Variants in DENND4B observed in about 807,000 individuals in gnomAD.
DENND4B encodes DENN domain-containing protein 4B.
A neutral mutation model predicts 161.0 loss-of-function variants in DENND4B; 67 were observed. That is an observed-to-expected ratio of 0.42 (90% CI 0.34 to 0.51). DENND4B has a LOEUF of 0.51. DENND4B is among the 20% of genes least tolerant of loss of function. The pLI, the probability that DENND4B is intolerant of heterozygous loss-of-function variation, is 0.08. For synonymous variants in DENND4B, 753 were observed against 813.8 expected (o/e 0.93, Z 1.27); for missense variants, 1,481 against 1,968.0 (o/e 0.75, Z 4.68).
Position 153,941,882 on chromosome 1 carries a change from G to A in DENND4B, c.1042C>T (p.Leu348=), listed in dbSNP as rs755108879. The change falls in exon 6 of 28, where the codon CTA becomes TTA. Residue 348 remains leucine (L), a synonymous_variant. Coordinates refer to ENST00000361217, the MANE Select transcript of DENND4B (RefSeq NM_014856.3). Reference sequence around the variant, plus strand: ...AGCCATGCTCACGCTTCCAAGGGTAGGCGGTGGGGGCCTGAGACGGAGTAG... The same window carrying A: ...AGCCATGCTCACGCTTCCAAGGGTAAGCGGTGGGGGCCTGAGACGGAGTAG... The part of the protein sequence containing the change: ...YRYSVSGPHR[L]PLEAHISHFI... The A allele has an allele frequency of 8.7e-6, 14 of 1,611,864 alleles. No homozygotes were observed. The South Asian group carries it at 1.3e-4, about 15-fold the overall frequency.
intron 6 of DENND4B, 134 bp from the exon 7 acceptor site, chr1:153,941,574 C>T: frequency 8.6e-7 from 1 of 1,167,860 alleles, no homozygotes; most frequent in Non-Finnish European, 1.2e-6. Flanking sequence ...CTGTTATCAG[C>T]CAACAGAACC....
At chr1:153,939,454 G>T in intron 12 of DENND4B, 135 bp downstream of exon 12, 1 of 958,362 alleles carries the variant, frequency 1.0e-6, no homozygotes, top group Non-Finnish European at 1.5e-6. Flanking sequence ...CAAAGCGGGT[G>T]CCCATAAAAA....
chr1:153,940,836 G>A lies in DENND4B; in HGVS notation c.1326+68C>T. On this transcript the variant is annotated intron_variant, in intron 9 of 27. Transcript: ENST00000361217. This position sits in a 1 kb window ranked among gnomAD's most constrained non-coding sequence, Gnocchi z 5.6. ...CAAGGAAGGAAAAGGGAAGAGTCCA[G>A]GCAGGGATAGGGGCACCAGAAAGAA... 6.6e-7 allele frequency: 1 copy of A among 1,517,580 alleles called. No homozygotes were observed. The highest frequency in any genetic ancestry group is 8.8e-7 in the Non-Finnish European group (1 of 1,136,874). The allele number at this position is 1,517,580 out of a possible 1,614,324, so 94.0% of individuals were successfully genotyped here.
In DENND4B at chr1:153,942,301, T is replaced by C. The variant is rs1338093689; in HGVS notation, c.696A>G (p.Ser232=). 4 of 1,613,682 alleles carry C rather than the reference T, an allele frequency of 2.5e-6. No individual in the cohort carries two copies. Among genetic ancestry groups the C allele is most frequent in the East Asian group, 2.2e-5 (1 of 44,868 alleles). Residue 232 remains serine, a synonymous_variant, in exon 5 of 28, where the codon TCA becomes TCG. Coordinates refer to ENST00000361217, the MANE Select transcript of DENND4B (RefSeq NM_014856.3). This position sits in a 1 kb window ranked among gnomAD's most constrained non-coding sequence, Gnocchi z 6.9. ...EDNEAFPLPE[S]VPVFCLPMGA... ...CCATGGGCAGGCAGAAGACGGGCACTGACTCGGGCAGCGGGAACGCCTCAT... is the reference window on the plus strand; with the variant it reads ...CCATGGGCAGGCAGAAGACGGGCACCGACTCGGGCAGCGGGAACGCCTCAT...
Position 153,934,648 on chromosome 1 carries a change from C to A in DENND4B, c.2773+112G>T. The A allele has an allele frequency of 6.8e-7, 1 of 1,476,892 alleles. No individual in the cohort carries two copies. The highest frequency in any genetic ancestry group is 1.3e-5 in the South Asian group (1 of 76,498). The allele number at this position is 1,476,892 out of a possible 1,614,324, so 91.5% of individuals were successfully genotyped here. A position where few individuals can be genotyped will look rare whatever the true frequency, so the allele number is the denominator to read the frequency against. ...TTGTTACCAGTCAAGTGTAATTTAT[C>A]AATCCCCAGAAACCCAATGCCAACC... On this transcript the variant is annotated intron_variant, in intron 18 of 27. Transcript: ENST00000361217. The surrounding 1 kb of genome is among the most constrained non-coding windows in gnomAD (Gnocchi z 5.3).
Position 153,933,226 on chromosome 1 carries a change from G to A in DENND4B, c.3424C>T (p.Pro1142Ser), listed in dbSNP as rs1679076899. The A allele has an allele frequency of 1.2e-6, 2 of 1,613,018 alleles. No homozygotes were observed. Among genetic ancestry groups the A allele is most frequent in the Admixed American group, 1.7e-5 (1 of 59,850 alleles). Reference protein sequence around the residue: ...RRSSERLSDTPGSFQSPSLEI... With the variant: ...RRSSERLSDTSGSFQSPSLEI... ...AGGGAAGGTGACTGGAAGGATCCAGGGGTGTCACTGAGGCGCTCTGAGGAA... is the reference window on the plus strand; with the variant it reads ...AGGGAAGGTGACTGGAAGGATCCAGAGGTGTCACTGAGGCGCTCTGAGGAA... Residue 1142 changes from proline (P) to serine (S), a missense_variant, in exon 21 of 28, where the codon CCT (proline) becomes TCT (serine). Coordinates refer to ENST00000361217, the MANE Select transcript of DENND4B (RefSeq NM_014856.3). The surrounding 1 kb of genome is among the most constrained non-coding windows in gnomAD (Gnocchi z 5.7).
chr1:153,935,177 G>T, intron 17 of DENND4B: 1 of 860,968 alleles, frequency 1.2e-6, no homozygotes, highest in Non-Finnish European at 1.7e-6. Flanking sequence ...CAGAGGCAGT[G>T]GAGAAAATTT....
Position 153,932,534 on chromosome 1 carries a change from GCC to G in DENND4B, c.3760-96_3760-95del. ...CACCACATCCAACAGCTTTTGGGAT[GCC>G]CCTTGCCCTCAAGGGCAAGAGATGT... On this transcript the variant is annotated intron_variant, in intron 23 of 27. Coordinates refer to ENST00000361217, the MANE Select transcript of DENND4B (RefSeq NM_014856.3). The surrounding 1 kb of genome is among the most constrained non-coding windows in gnomAD (Gnocchi z 5.8). 1 of 1,555,762 alleles carries G rather than the reference GCC, an allele frequency of 6.4e-7. No individual in the cohort carries two copies. Among genetic ancestry groups the G allele is most frequent in the South Asian group, 1.2e-5 (1 of 82,884 alleles).
At position 153,930,532 on chromosome 1, in the gene DENND4B, A is replaced by G. The variant is rs577830224; in HGVS notation, c.4345+7T>C. 10 of 1,614,006 alleles carry G rather than the reference A, an allele frequency of 6.2e-6. No individual in the cohort carries two copies. The highest frequency in any genetic ancestry group is 5.0e-5 in the Admixed American group (3 of 60,006). ...TAAACTCCTCAGCCCCTTGCCTGCA[A>G]TCTCACCTATGTCCACGTGGTCCTT... is the stretch of plus-strand genomic sequence containing the variant. On this transcript the variant is annotated splice_region_variant and intron_variant, in intron 27 of 27. Transcript: ENST00000361217. The surrounding 1 kb of genome is among the most constrained non-coding windows in gnomAD (Gnocchi z 4.7).
At position 153,940,161 on chromosome 1, in the gene DENND4B, T is replaced by G. The variant is rs763593359; in HGVS notation, c.1598A>C (p.Asp533Ala). ...TCCCCACCCAGGCTTCTCACTCTGG[T>G]CCAGCTGCTGGTACAGGTTTGTCAG... ...ATLTNLYQQL[D>A]QTYTGPEEEA... The change falls in exon 11 of 28, where the codon GAC becomes GCC. Residue 533 changes from aspartate (D) to alanine (A), a missense_variant. By Grantham distance (126) the Asp-to-Ala change is moderately radical (BLOSUM62 -2). Around this residue, in one of 3 missense-constraint regions of DENND4B, gnomAD observed 806 missense variants for 1,134.4 expected, o/e 0.71. Coordinates refer to ENST00000361217, the MANE Select transcript of DENND4B (RefSeq NM_014856.3). This position sits in a 1 kb window ranked among gnomAD's most constrained non-coding sequence, Gnocchi z 5.6. 2.5e-6 allele frequency: 4 copies of G among 1,573,012 alleles called. No individual in the cohort carries two copies. The South Asian group carries it at 3.5e-5, about 14-fold the overall frequency.
chr1:153,942,739 C>G lies in DENND4B; in HGVS notation c.571-114G>C. On this transcript the variant is annotated intron_variant, in intron 3 of 27. Coordinates refer to ENST00000361217, the MANE Select transcript of DENND4B (RefSeq NM_014856.3). This position sits in a 1 kb window ranked among gnomAD's most constrained non-coding sequence, Gnocchi z 6.9. ...TTTGTCTTTAAAGCTCCCATTAATCCCAGTGCCCCAAGACCAGAGTTACCC... is the reference window on the plus strand; with the variant it reads ...TTTGTCTTTAAAGCTCCCATTAATCGCAGTGCCCCAAGACCAGAGTTACCC... 1 of 1,474,346 alleles carries G rather than the reference C, an allele frequency of 6.8e-7. No homozygotes were observed. The highest frequency in any genetic ancestry group is 9.0e-7 in the Non-Finnish European group (1 of 1,108,930). The allele number at this position is 1,474,346 out of a possible 1,614,324, so 91.3% of individuals were successfully genotyped here.
chr1:153,933,633 G>A lies in DENND4B; in HGVS notation c.3180C>T (p.Arg1060=), dbSNP rs769577365. 1.3e-5 allele frequency: 21 copies of A among 1,566,272 alleles called. No homozygotes were observed. The Admixed American group carries it at 3.6e-4, about 27-fold the overall frequency. The change falls in exon 20 of 28, where the codon CGC becomes CGT. Residue 1060 remains arginine (R), a synonymous_variant. Coordinates refer to ENST00000361217, the MANE Select transcript of DENND4B (RefSeq NM_014856.3). This position sits in a 1 kb window ranked among gnomAD's most constrained non-coding sequence, Gnocchi z 5.7. ...AGTPRRGLGA[R]LQQLLTPSRH... is the part of the protein sequence containing the mutation. ...GGGAAGGAGTGAGCAGCTGTTGGAGGCGGGCACCCAGCCCTCGTCGGGGGG... is the reference window on the plus strand; with the variant it reads ...GGGAAGGAGTGAGCAGCTGTTGGAGACGGGCACCCAGCCCTCGTCGGGGGG...
At position 153,934,001 on chromosome 1, in the gene DENND4B, C is replaced by G. The variant is rs896404827; in HGVS notation, c.2942-130G>C. The G allele has an allele frequency of 6.8e-7, 1 of 1,479,992 alleles. No individual in the cohort carries two copies. Among genetic ancestry groups the G allele is most frequent in the Non-Finnish European group, 9.0e-7 (1 of 1,110,504 alleles). The allele number at this position is 1,479,992 out of a possible 1,614,324, so 91.7% of individuals were successfully genotyped here. On this transcript the variant is annotated intron_variant, in intron 19 of 27. Transcript: ENST00000361217. This position sits in a 1 kb window ranked among gnomAD's most constrained non-coding sequence, Gnocchi z 5.3. ...ACCCCCACCATGATGATATTCTGGG[C>G]GAGATTCCCTCAGAATCTACAGCAC...
chr1:153,942,004 A>G lies in DENND4B; in HGVS notation c.920T>C (p.Leu307Pro). ...LLSAVERGRA[L>P]GGRAVRSRRA... ...CCGGCTGCGCACAGCTCTGCCCCCCAGTGCCCGACCCCGCTCCACGGCGCT... is the reference window on the plus strand; with the variant it reads ...CCGGCTGCGCACAGCTCTGCCCCCCGGTGCCCGACCCCGCTCCACGGCGCT... The change falls in exon 6 of 28, where the codon CTG becomes CCG. Residue 307 changes from leucine to proline, a missense_variant. Physicochemically the swap from Leu to Pro is moderately conservative, Grantham distance 98. Around this residue, in one of 3 missense-constraint regions of DENND4B, gnomAD observed 806 missense variants for 1,134.4 expected, o/e 0.71. Coordinates refer to ENST00000361217, the MANE Select transcript of DENND4B (RefSeq NM_014856.3). The surrounding 1 kb of genome is among the most constrained non-coding windows in gnomAD (Gnocchi z 6.9). 6.2e-7 allele frequency: 1 copy of G among 1,612,074 alleles called. No homozygotes were observed. Among genetic ancestry groups the G allele is most frequent in the South Asian group, 1.1e-5 (1 of 90,942 alleles).
chr1:153,932,488 G>A lies in DENND4B; in HGVS notation c.3760-48C>T. On this transcript the variant is annotated intron_variant, in intron 23 of 27. Transcript: ENST00000361217. The surrounding 1 kb of genome is among the most constrained non-coding windows in gnomAD (Gnocchi z 5.8). ...GCAGTAGAGGGCATGTACATCCCCA[G>A]AGCCTTGCCTCCCACTGAGCCACCA... The A allele has an allele frequency of 6.4e-7, 1 of 1,562,270 alleles. No homozygotes were observed. Among genetic ancestry groups the A allele is most frequent in the African/African-American group, 1.4e-5 (1 of 73,752 alleles).
At chr1:153,945,517 A>G (rs1221351002) in intron 1 of DENND4B, among the ~76,000 whole-genome samples, 1 of 151,982 alleles carries the variant, frequency 6.6e-6, no homozygotes, top group African/African-American at 2.4e-5. Flanking sequence ...GGAATCTCAT[A>G]GAGCCAGGCT....
rs368238711 is a variant in DENND4B, at chr1:153,936,510, T to A, written c.2439+32A>T. 3.3e-5 allele frequency: 51 copies of A among 1,529,730 alleles called. No individual in the cohort carries two copies. The highest frequency in any genetic ancestry group is 4.2e-5 in the Non-Finnish European group (47 of 1,131,936). 94.8% of individuals were successfully genotyped at this position (1,529,730 alleles called of 1,614,324 possible). A position where few individuals can be genotyped will look rare whatever the true frequency, so the allele number is the denominator to read the frequency against. On this transcript the variant is annotated intron_variant, in intron 16 of 27. Coordinates refer to ENST00000361217, the MANE Select transcript of DENND4B (RefSeq NM_014856.3). The surrounding 1 kb of genome is among the most constrained non-coding windows in gnomAD (Gnocchi z 4.1). ...CCAGCTGCACAAGGCTCACTGGGCC[T>A]GGGTATGAGCATGGTCACATAGATT...
At position 153,934,276 on chromosome 1, in the gene DENND4B, T is replaced by C. The variant is rs770401526; in HGVS notation, c.2800A>G (p.Thr934Ala). ...AEPYLERPSP[T>A]RPLQRQTTWA... ...GTAGTCTGGCGCTGAAGAGGGCGAG[T>C]AGGGGAAGGGCGCTCCAAATAGGGC... The change falls in exon 19 of 28, where the codon ACT becomes GCT. Residue 934 changes from threonine to alanine, a missense_variant. Coordinates refer to ENST00000361217, the MANE Select transcript of DENND4B (RefSeq NM_014856.3). This position sits in a 1 kb window ranked among gnomAD's most constrained non-coding sequence, Gnocchi z 5.3. 22 of 1,593,562 alleles carry C rather than the reference T, an allele frequency of 1.4e-5. No individual in the cohort carries two copies. Among genetic ancestry groups the C allele is most frequent in the Non-Finnish European group, 2.6e-6 (3 of 1,171,736 alleles).
intron 17 of DENND4B, 164 bp downstream of exon 17, chr1:153,935,896 T>C (rs1176581329): frequency 1.2e-6 from 1 of 813,788 alleles, no homozygotes; most frequent in Admixed American, 2.9e-5. Flanking sequence ...TCTGAGAAAC[T>C]GTAGGTGCTA....
Sources: gnomAD v4.1 joint callset for allele counts (sites outside exome capture counted in the v4.1 genomes callset) on GRCh38, gnomAD v4.1.1 for gene constraint, gnomAD v4.1.1 regional missense constraint, Gnocchi (gnomAD v3.1) non-coding constraint, MANE v1.5 for transcripts, NCBI Gene and HGNC (gene_info 2026-07-23, HGNC 2026-07-21) for gene names.